RBFOX1: variants seen among roughly 807,000 people sequenced by gnomAD.
RBFOX1 encodes the protein RNA binding protein fox-1 homolog 1.
In RBFOX1, 8 loss-of-function variants were observed where a neutral mutation model predicts 57.7. That is an observed-to-expected ratio of 0.14 (90% CI 0.08 to 0.25). RBFOX1 has a LOEUF of 0.25. RBFOX1 is among the 10% of genes least tolerant of loss of function. RBFOX1 has a pLI of 1.00. For synonymous variants in RBFOX1, 326 were observed against 222.4 expected (o/e 1.47, Z -4.15); for missense variants, 611 against 548.5 (o/e 1.11, Z -1.14).
intron 4 of RBFOX1, among the ~76,000 whole-genome samples, chr16:7,279,089 CTTTT>C (rs200732239): frequency 7.3e-6 from 1 of 136,508 alleles, no homozygotes; most frequent in Non-Finnish European, 1.6e-5. Context: ...TCTGGAGACT[CTTTT>C]TTTTTTTTAA....
intron 3 of RBFOX1, among the ~76,000 whole-genome samples, chr16:5,727,818 G>C (rs1377502109): frequency 1.3e-5 from 2 of 152,144 alleles, no homozygotes; most frequent in African/African-American, 2.4e-5. Context: ...CTGCTGAGTA[G>C]CTGGGACTAC....
intron 11 of RBFOX1, 44 bp from the exon 12 acceptor site, chr16:7,653,771 C>T: frequency 1.3e-6 from 2 of 1,592,060 alleles, no homozygotes; most frequent in Middle Eastern, 1.7e-4. Context: ...GGGTGTGCAT[C>T]TGACAGCCTG....
chr16:7,407,355 C>A (rs1427253916), intron 4 of RBFOX1, among the ~76,000 whole-genome samples: 3 of 143,712 alleles, frequency 2.1e-5, no homozygotes, highest in Non-Finnish European at 3.0e-5. Flanking sequence ...AGAATTTTGA[C>A]TTCAAGGGAT....
intron 1 of RBFOX1, among the ~76,000 whole-genome samples, chr16:6,077,708 A>ATTTATTTATTTATTTT: frequency 6.7e-6 from 1 of 150,130 alleles, no homozygotes; most frequent in South Asian, 2.1e-4. Flanking sequence ...TTATTTATTT[A>ATTTATTTATTTATTTT]TTCATTTATG....
intron 4 of RBFOX1, among the ~76,000 whole-genome samples, chr16:7,257,140 C>T (rs969393159): frequency 5.9e-5 from 9 of 152,166 alleles, no homozygotes; most frequent in South Asian, 2.1e-4. Context: ...AAATTGCCTT[C>T]GGAAAACCCT....
At chr16:5,993,893 G>A (rs537051910) in intron 4 of RBFOX1, among the ~76,000 whole-genome samples, 1 of 152,268 alleles carries the variant, frequency 6.6e-6, no homozygotes, top group Non-Finnish European at 1.5e-5. Flanking sequence ...TTCTTATTTA[G>A]TGAAGCAGGT....
rs184361504 is a variant in RBFOX1 at position 6,935,429 on chromosome 16, T to C, written c.-15-116628T>C. Among the ~76,000 whole-genome samples the C allele has an allele frequency of 8.5e-5, 13 of 152,288 alleles. No homozygotes were observed. In the East Asian group the frequency reaches 1.5e-3, roughly 18 times the overall value. ...CAGTAGATCATAAAAAGGAAATCTT[T>C]TTCTCTCTCTTCTTGTCAATTTTCT... On this transcript the variant is annotated intron_variant, in intron 3 of 15. Coordinates refer to ENST00000550418, the MANE Select transcript of RBFOX1 (RefSeq NM_018723.4).
intron 3 of RBFOX1, among the ~76,000 whole-genome samples, chr16:6,755,437 A>T (rs948079735): frequency 9.9e-5 from 15 of 152,114 alleles, no homozygotes; most frequent in Non-Finnish European, 1.9e-4. Flanking sequence ...TTTGATTTGC[A>T]TTTCTCTGAT....
chr16:5,710,082 T>G (rs1274448703), intron 3 of RBFOX1, among the ~76,000 whole-genome samples: 1 of 150,890 alleles, frequency 6.6e-6, no homozygotes, highest in Non-Finnish European at 1.5e-5. Flanking sequence ...AGCTCCTGAG[T>G]GGCTGGATAA....
chr16:6,140,922 A>G (rs181824207), intron 1 of RBFOX1, among the ~76,000 whole-genome samples: 1 of 152,282 alleles, frequency 6.6e-6, no homozygotes, highest in East Asian at 1.9e-4. Context: ...TGACCAAGGG[A>G]CACTCCAGTG....
At chr16:5,803,023 C>G (rs562430717) in intron 3 of RBFOX1, among the ~76,000 whole-genome samples, 1 of 152,136 alleles carries the variant, frequency 6.6e-6, no homozygotes, top group African/African-American at 2.4e-5. Flanking sequence ...CAGACATGTA[C>G]TTGGGTAATA....
At chr16:7,298,120 C>T (rs2095939229) in intron 4 of RBFOX1, among the ~76,000 whole-genome samples, 1 of 152,024 alleles carries the variant, frequency 6.6e-6, no homozygotes. Context: ...CACTCAGATG[C>T]CCCGCATTCT....
At chr16:6,813,863 C>G (rs747882367) in intron 3 of RBFOX1, among the ~76,000 whole-genome samples, 3 of 152,048 alleles carry the variant, frequency 2.0e-5, no homozygotes, top group South Asian at 2.1e-4. Flanking sequence ...TCCATCTGAG[C>G]TCAGCCAGCC....
intron 1 of RBFOX1, among the ~76,000 whole-genome samples, chr16:5,422,706 AAG>A (rs1184810996): frequency 9.6e-6 from 1 of 104,392 alleles, no homozygotes; most frequent in African/African-American, 3.8e-5. Flanking sequence ...ATGGGGAGGA[AAG>A]AGAAAGAGGA....
intron 3 of RBFOX1, among the ~76,000 whole-genome samples, chr16:5,654,768 C>A (rs140997286): frequency 1.3e-5 from 2 of 151,864 alleles, no homozygotes; most frequent in African/African-American, 4.8e-5. Flanking sequence ...TTCCCTTCCT[C>A]CTTCCTCCTT....
chr16:5,891,005 C>G (rs560665787), intron 4 of RBFOX1, among the ~76,000 whole-genome samples: 24 of 152,300 alleles, frequency 1.6e-4, no homozygotes, highest in Middle Eastern at 3.4e-3. Context: ...TATAGCTCAT[C>G]TGGTAGGAGC....
chr16:5,834,939 G>C (rs1341267174), intron 3 of RBFOX1, among the ~76,000 whole-genome samples: 1 of 152,154 alleles, frequency 6.6e-6, no homozygotes, highest in East Asian at 1.9e-4. Flanking sequence ...TTTCCACAGA[G>C]GTGTTACCAG....
chr16:7,038,721 C>A lies in RBFOX1; in HGVS notation c.-15-13336C>A, dbSNP rs181987067. On this transcript the variant is annotated intron_variant, in intron 3 of 15. Coordinates refer to ENST00000550418, the MANE Select transcript of RBFOX1 (RefSeq NM_018723.4). ...TGTGGGAGGCCGAAGGGGATATTGGCCACGTGCTGCCTGGGGCTGCCATGT... is the reference window on the plus strand; with the variant it reads ...TGTGGGAGGCCGAAGGGGATATTGGACACGTGCTGCCTGGGGCTGCCATGT... 1.1e-3 allele frequency among the ~76,000 whole-genome samples: 175 copies of A among 152,212 alleles called. 2 individuals carry two copies. Among genetic ancestry groups the A allele is most frequent in the Non-Finnish European group, 4.3e-4 (29 of 68,022 alleles).
intron 3 of RBFOX1, among the ~76,000 whole-genome samples, chr16:6,853,534 A>G (rs1254794702): frequency 6.6e-6 from 1 of 152,088 alleles, no homozygotes; most frequent in East Asian, 1.9e-4. Context: ...ACAGTGGTAG[A>G]TGCTTTCAGA....
Sources: gnomAD v4.1 joint callset for allele counts (sites outside exome capture counted in the v4.1 genomes callset) on GRCh38, gnomAD v4.1.1 for gene constraint, MANE v1.5 for transcripts, NCBI Gene and HGNC (gene_info 2026-07-23, HGNC 2026-07-21) for gene names.